The following TAFA5 variants were observed in gnomAD, a reference collection of about 807,000 sequenced individuals.
The protein encoded by TAFA5 is chemokine-like protein TAFA-5.
A neutral mutation model predicts 15.3 loss-of-function variants in TAFA5; 6 were observed. The observed-to-expected ratio is 0.39, with a 90% confidence interval of 0.21 to 0.77. TAFA5 has a LOEUF of 0.77. Ranked by LOEUF, TAFA5 falls within the 30% of genes least tolerant of loss-of-function variation. The pLI is 0.41. For missense variants in TAFA5, 161 were observed against 193.1 expected, an observed-to-expected ratio of 0.83 and a Z score of 0.98; for synonymous variants, 103 against 80.7, an observed-to-expected ratio of 1.28 and a Z score of -1.48.
chr22:48,589,138 C>T (rs922386470), intron 1 of TAFA5, among the ~76,000 whole-genome samples: 4 of 152,124 alleles, frequency 2.6e-5, no homozygotes, highest in African/African-American at 9.7e-5. Flanking sequence ...TGCTCCTGCC[C>T]GCTGGTTGCC....
chr22:48,580,361 C>T (rs999087189), intron 1 of TAFA5, among the ~76,000 whole-genome samples: 1 of 152,202 alleles, frequency 6.6e-6, no homozygotes, highest in African/African-American at 2.4e-5. Context: ...GCAGAGTGTT[C>T]GTCTATCTGT....
At chr22:48,555,878 G>T (rs1232412627) in intron 1 of TAFA5, among the ~76,000 whole-genome samples, 1 of 152,196 alleles carries the variant, frequency 6.6e-6, no homozygotes, top group East Asian at 1.9e-4. Flanking sequence ...CACAGACCTG[G>T]GAGGGGCTGG....
In TAFA5 at chr22:48,598,768, G is replaced by T. The variant is rs928429265; in HGVS notation, c.113-47829G>T. Among the ~76,000 whole-genome samples, 1 of 152,072 alleles carries T rather than the reference G, an allele frequency of 6.6e-6. No individual in the cohort carries two copies. The highest frequency in any genetic ancestry group is 1.5e-5 in the Non-Finnish European group (1 of 68,020). ...CTGAGACCCCACCGAGGAAGGGCTC[G>T]GTCCCACAAGACTGCTCCCCCTTCA... On this transcript the variant is annotated intron_variant, in intron 1 of 3. Transcript: ENST00000402357. This position sits in a 1 kb window ranked among gnomAD's most constrained non-coding sequence, Gnocchi z 4.0.
chr22:48,493,493 A>G (rs568002088), intron 1 of TAFA5, among the ~76,000 whole-genome samples: 6 of 152,350 alleles, frequency 3.9e-5, no homozygotes, highest in African/African-American at 1.4e-4. Context: ...AGCGATTAGA[A>G]TATGTTACTT....
At chr22:48,569,125 T>G (rs895552103) in intron 1 of TAFA5, among the ~76,000 whole-genome samples, 1 of 152,048 alleles carries the variant, frequency 6.6e-6, no homozygotes, top group African/African-American at 2.4e-5. Context: ...CTCTGGTGCC[T>G]GGTTTTGGCC....
At position 48,532,165 on chromosome 22, in the gene TAFA5, C is replaced by T. The variant is rs1921997218; in HGVS notation, c.112+42461C>T. On this transcript the variant is annotated intron_variant, in intron 1 of 3. Transcript: ENST00000402357. ...AGGGATCTCCTTGCCTTTTCTTCTTCTCAGAACCATGATAAGCTTGGCTTC... is the reference window on the plus strand; with the variant it reads ...AGGGATCTCCTTGCCTTTTCTTCTTTTCAGAACCATGATAAGCTTGGCTTC... Among the ~76,000 whole-genome samples the T allele has an allele frequency of 3.3e-5, 5 of 152,366 alleles. No homozygotes were observed. In the South Asian group the frequency reaches 1.0e-3, roughly 32 times the overall value.
intron 1 of TAFA5, among the ~76,000 whole-genome samples, chr22:48,501,848 A>G (rs935897970): frequency 2.0e-5 from 3 of 152,202 alleles, no homozygotes; most frequent in African/African-American, 7.2e-5. Context: ...CAGACCCACT[A>G]GCACCCAGGC....
At chr22:48,632,946 G>A (rs1049443424) in intron 1 of TAFA5, among the ~76,000 whole-genome samples, 4 of 152,186 alleles carry the variant, frequency 2.6e-5, no homozygotes, top group Non-Finnish European at 5.9e-5. Context: ...TCCACTAGAC[G>A]GCTGCAGGCG....
chr22:48,617,083 C>G (rs542943810), intron 1 of TAFA5, among the ~76,000 whole-genome samples: 2 of 152,184 alleles, frequency 1.3e-5, no homozygotes, highest in African/African-American at 4.8e-5. Flanking sequence ...ATGCACTCCC[C>G]AAAAGATGTC....
intron 1 of TAFA5, among the ~76,000 whole-genome samples, chr22:48,583,181 G>C (rs1441702871): frequency 1.9e-5 from 2 of 105,454 alleles, no homozygotes; most frequent in African/African-American, 7.7e-5. Context: ...CACACACACA[G>C]TGCACTCCAA....
chr22:48,744,752 T>C (rs1312489747), intron 3 of TAFA5, among the ~76,000 whole-genome samples: 1 of 152,224 alleles, frequency 6.6e-6, no homozygotes, highest in Admixed American at 6.5e-5. Context: ...GCGGGTTCCT[T>C]TTTTTCTTTT....
chr22:48,648,612 A>G (rs2015882), intron 2 of TAFA5, among the ~76,000 whole-genome samples: 76,272 of 152,030 alleles, frequency 0.5, 19,417 homozygotes, highest in South Asian at 0.57. Context: ...AGGCTGAGGC[A>G]GGTGGATCAC....
intron 1 of TAFA5, among the ~76,000 whole-genome samples, chr22:48,506,062 C>A (rs1325940899): frequency 6.6e-6 from 1 of 152,162 alleles, no homozygotes; most frequent in Non-Finnish European, 1.5e-5. Context: ...GCACCCCAGG[C>A]CAGCTGAGGT....
At position 48,489,985 on chromosome 22, in the gene TAFA5, G is replaced by A. The variant is rs1322320037; in HGVS notation, c.112+281G>A. ...CGGGCTCCAGGCCCCGGGTGGCGCG[G>A]CCCGTCCCTGCCCGGCGGTCGGAGC... On this transcript the variant is annotated intron_variant, in intron 1 of 3. Coordinates refer to ENST00000402357, the MANE Select transcript of TAFA5 (RefSeq NM_001082967.3). The surrounding 1 kb of genome is among the most constrained non-coding windows in gnomAD (Gnocchi z 5.5). Among the ~76,000 whole-genome samples, 1 of 151,916 alleles carries A rather than the reference G, an allele frequency of 6.6e-6. No homozygotes were observed. Among genetic ancestry groups the A allele is most frequent in the African/African-American group, 2.4e-5 (1 of 41,410 alleles).
intron 2 of TAFA5, among the ~76,000 whole-genome samples, chr22:48,702,289 T>G (rs1266337379): frequency 6.6e-6 from 1 of 152,048 alleles, no homozygotes; most frequent in Non-Finnish European, 1.5e-5. Context: ...GAGAAGTGTT[T>G]CCAGGCAGAG....
At chr22:48,681,678 A>G (rs1158379658) in intron 2 of TAFA5, among the ~76,000 whole-genome samples, 3 of 151,866 alleles carry the variant, frequency 2.0e-5, no homozygotes, top group African/African-American at 7.3e-5. Flanking sequence ...AAAAGAAAAA[A>G]GAAAAAAACA....
intron 1 of TAFA5, among the ~76,000 whole-genome samples, chr22:48,633,539 C>CTCTCTCTCTCTCTCTCTCTCTCT (rs1569056626): frequency 1.4e-4 from 18 of 128,814 alleles, no homozygotes; most frequent in East Asian, 1.3e-3. Context: ...TCTGTCTCTC[C>CTCTCTCTCTCTCTCTCTCTCTCT]CTCTCTCTCT....
At chr22:48,582,673 C>T (rs1924110727) in intron 1 of TAFA5, among the ~76,000 whole-genome samples, 1 of 148,938 alleles carries the variant, frequency 6.7e-6, no homozygotes, top group South Asian at 2.2e-4. Flanking sequence ...CAAAATACAC[C>T]ACACACGAAA....
Position 48,707,264 on chromosome 22 carries a change from C to T in TAFA5, c.263-453C>T, listed in dbSNP as rs1929108969. The stretch of plus-strand genomic sequence containing the variant: ...ATCTCCAGCCTGGCCTCACTCTGAG[C>T]TCCAAGCCTGGGCCCCCTTGTTCCC... On this transcript the variant is annotated intron_variant, in intron 2 of 3. Transcript: ENST00000402357. Among the ~76,000 whole-genome samples, 3 of 152,324 alleles carry T rather than the reference C, an allele frequency of 2.0e-5. No individual in the cohort carries two copies. The South Asian group carries it at 6.2e-4, about 32-fold the overall frequency.
Sources: gnomAD v4.1 joint callset for allele counts (sites outside exome capture counted in the v4.1 genomes callset) on GRCh38, gnomAD v4.1.1 for gene constraint, Gnocchi (gnomAD v3.1) non-coding constraint, MANE v1.5 for transcripts, NCBI Gene and HGNC (gene_info 2026-07-23, HGNC 2026-07-21) for gene names.